The following MED24 variants were observed in gnomAD, a reference collection of about 807,000 sequenced individuals.
MED24 encodes mediator of RNA polymerase II transcription subunit 24.
Under a neutral mutation model 118.8 loss-of-function variants are expected in MED24, and 74 were observed. The observed-to-expected ratio is 0.62, with a 90% CI of 0.52 to 0.76. MED24 has a LOEUF of 0.76. Among genes scored for constraint, MED24 ranks in the 30% least tolerant of loss-of-function variants. MED24 has a pLI of 0.00. For missense variants in MED24, 1,041 were observed against 1,278.9 expected, an observed-to-expected ratio of 0.81 and a Z score of 2.84; for synonymous variants, 521 against 523.9, an observed-to-expected ratio of 0.99 and a Z score of 0.08.
intron 19 of MED24, among the ~76,000 whole-genome samples, chr17:40,023,825 C>G (rs1261840380): frequency 2.6e-5 from 4 of 152,226 alleles, no homozygotes; most frequent in Non-Finnish European, 4.4e-5. Flanking sequence ...CCAGGAGAGG[C>G]CCAAGGGCTG....
chr17:40,033,855 T>C lies in MED24; in HGVS notation c.560-399A>G. ...TCTTGCAGAGGCTGTCACTCTCCTC[T>C]GGGGGAACTGGGTCCCTAAATGGCT... On this transcript the variant is annotated intron_variant, in intron 6 of 25. Coordinates refer to ENST00000394128, the MANE Select transcript of MED24 (RefSeq NM_014815.4). This position sits in a 1 kb window ranked among gnomAD's most constrained non-coding sequence, Gnocchi z 5.2. 1 of 416,742 alleles carries C rather than the reference T, an allele frequency of 2.4e-6. No homozygotes were observed. The highest frequency in any genetic ancestry group is 4.8e-6 in the Non-Finnish European group (1 of 207,938). The allele number at this position is 416,742 out of a possible 1,614,324, so 25.8% of individuals were successfully genotyped here. A position where few individuals can be genotyped will look rare whatever the true frequency, so the allele number is the denominator to read the frequency against.
rs1351111651 is a variant in MED24 at position 40,026,647 on chromosome 17, C to T, written c.1809G>A (p.Gln603=). ...ENGVLAFESI[Q]KITDNIKGKV... Reference sequence around the variant, plus strand: ...AACGCTGCTGGGAAGGCGGGGCTACCTGGATGGACTCGAAGGCCAGGACCC... The same window carrying T: ...AACGCTGCTGGGAAGGCGGGGCTACTTGGATGGACTCGAAGGCCAGGACCC... Residue 603 remains glutamine, a splice_region_variant and synonymous_variant, in exon 18 of 26, where the codon CAG becomes CAA. Coordinates refer to ENST00000394128, the MANE Select transcript of MED24 (RefSeq NM_014815.4). 2 of 1,605,752 alleles carry T rather than the reference C, an allele frequency of 1.2e-6. No homozygotes were observed. Among genetic ancestry groups the T allele is most frequent in the Non-Finnish European group, 1.7e-6 (2 of 1,175,766 alleles).
rs1234103452 is a variant in MED24 at position 40,046,052 on chromosome 17, C to T, written c.213+7246G>A. ...TCGGCCTCCCAAAGTGCTGGGATTA[C>T]AGGCGTGAGCCATCACGCCCAGCCT... On this transcript the variant is annotated intron_variant, in intron 3 of 25. Transcript: ENST00000394128. Among the ~76,000 whole-genome samples the T allele has an allele frequency of 2.0e-5, 3 of 150,994 alleles. No individual in the cohort carries two copies. The East Asian group carries it at 5.9e-4, about 30-fold the overall frequency.
Position 40,033,106 on chromosome 17 carries a change from C to T in MED24, c.772G>A (p.Gly258Ser). 6.2e-7 allele frequency: 1 copy of T among 1,614,152 alleles called. No homozygotes were observed. ...ILLEGTMNLTGETQSLVEQLT... is the reference protein window; with the variant it reads ...ILLEGTMNLTSETQSLVEQLT... ...TGCTCCACCAGGGACTGCGTCTCGC[C>T]TGTCAGGTTCATGGTGCCCTCGAGC... is the stretch of plus-strand genomic sequence containing the variant. Residue 258 changes from glycine to serine, a missense_variant, in exon 8 of 26, where the codon GGC becomes AGC. Around this residue, in one of 3 missense-constraint regions of MED24, gnomAD observed 434 missense variants for 514.9 expected, o/e 0.84. Transcript: ENST00000394128. The surrounding 1 kb of genome is among the most constrained non-coding windows in gnomAD (Gnocchi z 5.2).
At chr17:40,040,847 C>G (rs1309109685) in intron 3 of MED24, among the ~76,000 whole-genome samples, 1 of 151,980 alleles carries the variant, frequency 6.6e-6, no homozygotes, top group East Asian at 1.9e-4. Flanking sequence ...AACTCCTGAC[C>G]TCATGATCCA....
chr17:40,019,175 AACACACAC>A lies in MED24; in HGVS notation c.*346_*353del, dbSNP rs59767650. The A allele has an allele frequency of 8.1e-5, 12 of 148,526 alleles. No individual in the cohort carries two copies. The highest frequency in any genetic ancestry group is 7.6e-4 in the South Asian group (4 of 5,274). 9.2% of individuals were successfully genotyped at this position (148,526 alleles called of 1,614,324 possible). A position where few individuals can be genotyped will look rare whatever the true frequency, so the allele number is the denominator to read the frequency against. On this transcript the variant is annotated 3_prime_UTR_variant, in exon 26 of 26. Coordinates refer to ENST00000394128, the MANE Select transcript of MED24 (RefSeq NM_014815.4). ...CCTCACATATTACAAAATACACACA[AACACACAC>A]ACACACACACACACACACACATACA...
At chr17:40,024,645 T>A (rs147566593) in intron 19 of MED24, among the ~76,000 whole-genome samples, 156 of 152,318 alleles carry the variant, frequency 1.0e-3, no homozygotes, top group Non-Finnish European at 2.1e-3. Context: ...GCAGCACTAT[T>A]CACTATAGCC....
In MED24 at chr17:40,023,776, C is replaced by T. The variant is rs1314693191; in HGVS notation, c.1986-381G>A. Reference sequence around the variant, plus strand: ...CCTAGGCTGAGTGCTTGGGGGTCCCCGCCCAGCCCTGGCCTCCTCCCAAAG... The same window carrying T: ...CCTAGGCTGAGTGCTTGGGGGTCCCTGCCCAGCCCTGGCCTCCTCCCAAAG... On this transcript the variant is annotated intron_variant, in intron 19 of 25. Coordinates refer to ENST00000394128, the MANE Select transcript of MED24 (RefSeq NM_014815.4). 3.2e-5 allele frequency: 6 copies of T among 184,934 alleles called. 1 individual carries two copies. The highest frequency in any genetic ancestry group is 1.7e-4 in the Admixed American group (3 of 17,232). The allele number at this position is 184,934 out of a possible 1,614,324, so 11.5% of individuals were successfully genotyped here.
At position 40,053,611 on chromosome 17, in the gene MED24, A is replaced by G; in HGVS notation, c.-13T>C. 6.2e-7 allele frequency: 1 copy of G among 1,614,086 alleles called. No homozygotes were observed. Among genetic ancestry groups the G allele is most frequent in the Non-Finnish European group, 8.5e-7 (1 of 1,180,044 alleles). On this transcript the variant is annotated 5_prime_UTR_variant, in exon 2 of 26. Transcript: ENST00000394128. Reference sequence around the variant, plus strand: ...TGACCACCTTCATTATTTCACTCTGAGCAGGTGGCAGCGGTGGCGGCCAGC... The same window carrying G: ...TGACCACCTTCATTATTTCACTCTGGGCAGGTGGCAGCGGTGGCGGCCAGC...
intron 5 of MED24, 141 bp from the exon 6 acceptor site, chr17:40,035,490 G>T: frequency 9.9e-7 from 1 of 1,014,142 alleles, no homozygotes; most frequent in Non-Finnish European, 1.4e-6. Context: ...AAGATGCTTA[G>T]CCCCTTTGGC....
rs774627606 is a variant in MED24 at position 40,026,202 on chromosome 17, C to G, written c.1939G>C (p.Ala647Pro). The part of the protein sequence containing the change: ...EKSLQMIRQL[A>P]GPLFSENTLQ... ...GTGTTCTCACTAAACAGTGGCCCTG[C>G]CAGCTGGCGGATCATCTGCAGCGAC... Residue 647 changes from alanine (A) to proline (P), a missense_variant, in exon 19 of 26, where the codon GCA becomes CCA. Transcript: ENST00000394128. 1 of 1,614,210 alleles carries G rather than the reference C, an allele frequency of 6.2e-7. No individual in the cohort carries two copies. The highest frequency in any genetic ancestry group is 8.5e-7 in the Non-Finnish European group (1 of 1,180,046).
chr17:40,021,922 A>G lies in MED24; in HGVS notation c.2623+33T>C, dbSNP rs536048788. On this transcript the variant is annotated intron_variant, in intron 23 of 25. Transcript: ENST00000394128. The stretch of plus-strand genomic sequence containing the variant: ...GCATCGGGGAGTGAATTCCCAGGAA[A>G]AGGAGCGGCGCGCGGCCAGCCCACA... 7 of 1,470,648 alleles carry G rather than the reference A, an allele frequency of 4.8e-6. No homozygotes were observed. The South Asian group carries it at 7.6e-5, about 16-fold the overall frequency. The allele number at this position is 1,470,648 out of a possible 1,614,324, so 91.1% of individuals were successfully genotyped here. A position where few individuals can be genotyped will look rare whatever the true frequency, so the allele number is the denominator to read the frequency against.
Position 40,020,495 on chromosome 17 carries a change from G to A in MED24, c.2624-142C>T, listed in dbSNP as rs181607603. ...CCCAGAGAAGACCCTGAGATCAAGA[G>A]CACAAAGGGAGGCCAGGTACAGTGG... On this transcript the variant is annotated intron_variant, in intron 23 of 25. Transcript: ENST00000394128. 3.5e-5 allele frequency: 54 copies of A among 1,535,080 alleles called. No individual in the cohort carries two copies. The East Asian group carries it at 1.3e-3, about 37-fold the overall frequency.
chr17:40,050,573 C>T (rs1222702382), intron 3 of MED24, among the ~76,000 whole-genome samples: 3 of 152,026 alleles, frequency 2.0e-5, no homozygotes, highest in African/African-American at 4.8e-5. Context: ...CTGAGATCAG[C>T]CATTGCACTC....
intron 1 of MED24, chr17:40,053,858 C>A (rs1020090985): frequency 1.6e-6 from 1 of 629,042 alleles, no homozygotes; most frequent in Non-Finnish European, 2.7e-6. Context: ...CGGCCGAGCG[C>A]AGTGGCTCGC....
At chr17:40,028,609 T>C (rs1403147341) in intron 14 of MED24, among the ~76,000 whole-genome samples, 2 of 152,180 alleles carry the variant, frequency 1.3e-5, no homozygotes, top group African/African-American at 2.4e-5. Context: ...CTCATCTCTT[T>C]ACCAAACATG....
In MED24 at chr17:40,029,865, G is replaced by C. The variant is rs1327664492; in HGVS notation, c.1155-6C>G. 4 of 1,613,360 alleles carry C rather than the reference G, an allele frequency of 2.5e-6. No individual in the cohort carries two copies. Among genetic ancestry groups the C allele is most frequent in the Non-Finnish European group, 3.4e-6 (4 of 1,179,440 alleles). On this transcript the variant is annotated splice_region_variant and splice_polypyrimidine_tract_variant and intron_variant, in intron 12 of 25. Transcript: ENST00000394128. ...CGTGCTCTCGGTCCGCTTTGCTGTGGACATCACCAGTTGGCCAAGGAAGGG... is the reference window on the plus strand; with the variant it reads ...CGTGCTCTCGGTCCGCTTTGCTGTGCACATCACCAGTTGGCCAAGGAAGGG...
chr17:40,040,110 ACT>A (rs528786429), intron 3 of MED24, among the ~76,000 whole-genome samples: 241 of 107,702 alleles, frequency 2.2e-3, no homozygotes, highest in Non-Finnish European at 3.9e-3. Flanking sequence ...ACAGAGTCTC[ACT>A]CTGTTGCCCA....
chr17:40,025,771 G>A (rs9915684), intron 19 of MED24, among the ~76,000 whole-genome samples: 6,040 of 152,252 alleles, frequency 0.04, 432 homozygotes, highest in African/African-American at 0.14. Context: ...AGCCCCTGAA[G>A]AGCCAGGGCA....
Sources: allele counts gnomAD v4.1 joint callset (sites outside exome capture counted in the v4.1 genomes callset), GRCh38; gene constraint gnomAD v4.1.1; regional missense constraint gnomAD v4.1.1; non-coding constraint Gnocchi (gnomAD v3.1); transcripts MANE v1.5; gene names NCBI Gene and HGNC (gene_info 2026-07-23, HGNC 2026-07-21).